Variants in CLASP1 observed in about 807,000 individuals in gnomAD.
CLASP1 encodes the protein CLIP-associating protein 1.
A neutral mutation model predicts 192.3 loss-of-function variants in CLASP1; 38 were observed. The observed-to-expected ratio is 0.20, with a 90% CI of 0.15 to 0.26. The LOEUF is 0.26. Among genes scored for constraint, CLASP1 ranks in the 10% least tolerant of loss-of-function variants. CLASP1 has a pLI of 1.00. For missense variants in CLASP1, 1,433 were observed against 1,932.5 expected (o/e 0.74, Z 4.85); for synonymous variants, 691 against 712.8 (o/e 0.97, Z 0.49).
intron 37 of CLASP1, among the ~76,000 whole-genome samples, chr2:121,352,105 C>A (rs1196417039): frequency 6.6e-6 from 1 of 152,198 alleles, no homozygotes; most frequent in Non-Finnish European, 1.5e-5. Flanking sequence ...AGCCAGATGG[C>A]AGGGACCTGC....
chr2:121,556,623 T>C (rs1327442063), intron 2 of CLASP1, among the ~76,000 whole-genome samples: 2 of 152,222 alleles, frequency 1.3e-5, no homozygotes, highest in Non-Finnish European at 2.9e-5. Flanking sequence ...ACATGCTTAT[T>C]GGCTCCTTCC....
chr2:121,631,455 T>C (rs1194405629), intron 1 of CLASP1, among the ~76,000 whole-genome samples: 2 of 151,750 alleles, frequency 1.3e-5, no homozygotes, highest in Non-Finnish European at 2.9e-5. Context: ...GCCCAGCTAA[T>C]TTTTGTATTT....
At chr2:121,501,322 C>T (rs2093745012) in intron 8 of CLASP1, among the ~76,000 whole-genome samples, 1 of 152,336 alleles carries the variant, frequency 6.6e-6, no homozygotes, top group Non-Finnish European at 1.5e-5. Flanking sequence ...CAACTAACTG[C>T]CTGTGAAGAC....
Position 121,462,935 on chromosome 2 carries a change from G to A in CLASP1, c.866-330C>T, listed in dbSNP as rs546921958. Among the ~76,000 whole-genome samples, 13 of 152,230 alleles carry A rather than the reference G, an allele frequency of 8.5e-5. 1 individual carries two copies. In the South Asian group the frequency reaches 2.5e-3, roughly 29 times the overall value. On this transcript the variant is annotated intron_variant, in intron 9 of 39. Coordinates refer to ENST00000263710, the Ensembl canonical transcript of CLASP1. ...GAAAGATTCCTAATAAATGGATCAA[G>A]CAGAAAATTTAATTCATCAGGGAAT... is the stretch of plus-strand genomic sequence containing the variant.
chr2:121,533,204 G>A (rs986070346), intron 2 of CLASP1, among the ~76,000 whole-genome samples: 1 of 152,158 alleles, frequency 6.6e-6, no homozygotes, highest in African/African-American at 2.4e-5. Context: ...GACTGAGTGG[G>A]TAGATGCACC....
At position 121,363,226 on chromosome 2, in the gene CLASP1, G is replaced by A. The variant is rs141331716; in HGVS notation, c.4152C>T (p.Tyr1384=). 900 of 1,613,870 alleles carry A rather than the reference G, an allele frequency of 5.6e-4. 5 individuals are homozygous for A. The African/African-American group carries it at 7.1e-3, about 13-fold the overall frequency. ...GAGTCTTCATAATCGTCAGCTCGGC[G>A]TAGTTTTTAAATCTTGCTGGTTGAT... Residue 1384 remains tyrosine, a synonymous_variant, in exon 37 of 40, where the codon TAC becomes TAT. Coordinates refer to ENST00000263710, the Ensembl canonical transcript of CLASP1.
At chr2:121,562,527 T>C (rs1425646254) in intron 2 of CLASP1, among the ~76,000 whole-genome samples, 1 of 152,202 alleles carries the variant, frequency 6.6e-6, no homozygotes, top group Non-Finnish European at 1.5e-5. Flanking sequence ...ACTCCAACAC[T>C]GAGAGTCCTA....
chr2:121,580,715 T>C (rs2061034746), intron 2 of CLASP1, among the ~76,000 whole-genome samples: 1 of 152,214 alleles, frequency 6.6e-6, no homozygotes, highest in South Asian at 2.1e-4. Context: ...ATTTCCCAAT[T>C]TGAAAGCCAT....
In CLASP1 at chr2:121,425,066, C is replaced by T. The variant is rs2080156963; in HGVS notation, c.2212+73G>A. On this transcript the variant is annotated intron_variant, in intron 22 of 39. Coordinates refer to ENST00000263710, the Ensembl canonical transcript of CLASP1. ...ATAGATCTATATTTCCTACATTAGACATAGTCATTAGATTATAATCAAAAC... is the reference window on the plus strand; with the variant it reads ...ATAGATCTATATTTCCTACATTAGATATAGTCATTAGATTATAATCAAAAC... 9 of 1,395,928 alleles carry T rather than the reference C, an allele frequency of 6.4e-6. No individual in the cohort carries two copies. The East Asian group carries it at 1.2e-4, about 18-fold the overall frequency. The allele number at this position is 1,395,928 out of a possible 1,614,324, so 86.5% of individuals were successfully genotyped here. A position where few individuals can be genotyped will look rare whatever the true frequency, so the allele number is the denominator to read the frequency against.
chr2:121,355,678 T>C (rs1203499928), intron 37 of CLASP1, among the ~76,000 whole-genome samples: 1 of 152,192 alleles, frequency 6.6e-6, no homozygotes. Flanking sequence ...CTGTGTTCTA[T>C]GTAACATAAG....
chr2:121,429,955 A>G, intron 20 of CLASP1, 118 bp downstream of exon 20: 1 of 725,838 alleles, frequency 1.4e-6, no homozygotes, highest in South Asian at 1.8e-5. Context: ...AGTATCTCAG[A>G]GCCACAAAAA....
intron 15 of CLASP1, among the ~76,000 whole-genome samples, chr2:121,451,424 AAG>A (rs2085450847): frequency 6.6e-6 from 1 of 152,224 alleles, no homozygotes; most frequent in Non-Finnish European, 1.5e-5. Flanking sequence ...GAGGGAGAAA[AAG>A]AAAACTTTCA....
At chr2:121,396,844 C>T (rs963672816) in intron 30 of CLASP1, among the ~76,000 whole-genome samples, 33 of 152,134 alleles carry the variant, frequency 2.2e-4, no homozygotes, top group Non-Finnish European at 1.0e-4. Flanking sequence ...GTACGTATTA[C>T]AAACTGATAT....
chr2:121,449,418 A>C (rs1287669422), intron 16 of CLASP1, among the ~76,000 whole-genome samples: 1 of 152,196 alleles, frequency 6.6e-6, no homozygotes, highest in Non-Finnish European at 1.5e-5. Flanking sequence ...GTGGAGCTAA[A>C]CATCTAAGAC....
At chr2:121,530,090 G>A (rs967027113) in intron 3 of CLASP1, among the ~76,000 whole-genome samples, 157 bp downstream of exon 3, 18 of 151,676 alleles carry the variant, frequency 1.2e-4, no homozygotes, top group Non-Finnish European at 1.8e-4. Context: ...GGCTGCGGGG[G>A]AGGGCGGGGA....
intron 1 of CLASP1, among the ~76,000 whole-genome samples, chr2:121,630,482 T>C (rs957610875): frequency 2.6e-5 from 4 of 151,726 alleles, no homozygotes; most frequent in Non-Finnish European, 5.9e-5. Context: ...TAGAAGGCAG[T>C]ATTGGTAACA....
chr2:121,354,403 C>T (rs1573670867), intron 37 of CLASP1, among the ~76,000 whole-genome samples: 1 of 152,200 alleles, frequency 6.6e-6, no homozygotes, highest in African/African-American at 2.4e-5. Context: ...TCAGACGGGG[C>T]GCTTTTCTTC....
At chr2:121,489,722 G>A (rs766042152) in intron 8 of CLASP1, among the ~76,000 whole-genome samples, 5 of 152,134 alleles carry the variant, frequency 3.3e-5, no homozygotes, top group Non-Finnish European at 7.4e-5. Flanking sequence ...GATTTTTTGT[G>A]AGCAATACTT....
chr2:121,547,579 GA>G (rs1025221455), intron 2 of CLASP1, among the ~76,000 whole-genome samples: 44 of 151,672 alleles, frequency 2.9e-4, no homozygotes, highest in African/African-American at 1.0e-3. Context: ...CCCCAAACTG[GA>G]AAAAAAACAT....
Sources: gnomAD v4.1 joint callset for allele counts (sites outside exome capture counted in the v4.1 genomes callset) on GRCh38, gnomAD v4.1.1 for gene constraint, MANE v1.5 for transcripts, NCBI Gene and HGNC (gene_info 2026-07-23, HGNC 2026-07-21) for gene names.